PHIP: variants seen among roughly 807,000 people sequenced by gnomAD.
PHIP encodes PH-interacting protein.
A neutral mutation model predicts 236.8 loss-of-function variants in PHIP; 54 were observed. The ratio of observed to expected loss-of-function variants is 0.23; its 90% CI spans 0.18 to 0.29. PHIP has a LOEUF of 0.29. Among genes scored for constraint, PHIP ranks in the 10% least tolerant of loss-of-function variants. The pLI is 1.00. For missense variants in PHIP, 1,370 were observed against 2,190.8 expected (o/e 0.63, Z 7.48); for synonymous variants, 756 against 718.9 (o/e 1.05, Z -0.83).
At chr6:78,955,150 G>T in intron 34 of PHIP, 82 bp downstream of exon 34, 1 of 1,005,648 alleles carries the variant, frequency 9.9e-7, no homozygotes, top group Non-Finnish European at 1.5e-6. Context: ...CTTTTAAAAT[G>T]CTAAGAGTAA....
intron 7 of PHIP, among the ~76,000 whole-genome samples, chr6:79,030,966 C>T (rs1215343128): frequency 1.3e-5 from 2 of 151,750 alleles, no homozygotes; most frequent in African/African-American, 2.4e-5. Context: ...TGTTTTGAGA[C>T]GAAGTCTTCC....
At chr6:78,966,247 T>C (rs1767120263) in intron 27 of PHIP, among the ~76,000 whole-genome samples, 191 bp from the exon 28 acceptor site, 1 of 152,222 alleles carries the variant, frequency 6.6e-6, no homozygotes. Context: ...GTAAGCATAC[T>C]TGAAGTGTGA....
intron 20 of PHIP, among the ~76,000 whole-genome samples, chr6:78,990,465 T>C (rs750310442): frequency 2.6e-5 from 4 of 152,126 alleles, no homozygotes; most frequent in African/African-American, 7.2e-5. Flanking sequence ...ATATTATCTA[T>C]AGCAGCATTA....
In PHIP at chr6:78,945,508, C is replaced by A; in HGVS notation, c.4631-11G>T. 6.6e-7 allele frequency: 1 copy of A among 1,521,388 alleles called. No homozygotes were observed. Among genetic ancestry groups the A allele is most frequent in the Non-Finnish European group, 9.1e-7 (1 of 1,103,830 alleles). The allele number at this position is 1,521,388 out of a possible 1,614,324, so 94.2% of individuals were successfully genotyped here. A position where few individuals can be genotyped will look rare whatever the true frequency, so the allele number is the denominator to read the frequency against. ...CAGAATTCTCTAGTACTAAAACATA[C>A]AAACAAAATTTAAAAATTAAGAGTT... On this transcript the variant is annotated splice_polypyrimidine_tract_variant and intron_variant, in intron 38 of 39. Transcript: ENST00000275034.
intron 15 of PHIP, among the ~76,000 whole-genome samples, chr6:79,013,475 T>C (rs916566186): frequency 1.3e-5 from 2 of 151,782 alleles, no homozygotes; most frequent in African/African-American, 4.8e-5. Context: ...AACACTCTTA[T>C]TTAACAATAA....
chr6:78,971,430 C>T (rs751425703), intron 24 of PHIP, among the ~76,000 whole-genome samples: 1 of 152,172 alleles, frequency 6.6e-6, no homozygotes, highest in Admixed American at 6.5e-5. Context: ...AGTAGAAGAA[C>T]GTGTTTTAAA....
At chr6:79,044,182 ATAATTACAC>A (rs1452058301) in intron 6 of PHIP, among the ~76,000 whole-genome samples, 1 of 152,050 alleles carries the variant, frequency 6.6e-6, no homozygotes, top group African/African-American at 2.4e-5. Flanking sequence ...ATTTCAAAGA[ATAATTACAC>A]TATGCTTATA....
chr6:78,987,442 G>C (rs986897803), intron 21 of PHIP, among the ~76,000 whole-genome samples: 5 of 152,084 alleles, frequency 3.3e-5, no homozygotes, highest in Non-Finnish European at 7.4e-5. Flanking sequence ...ATTGTGGTTA[G>C]AATACTCTCA....
In PHIP at chr6:79,003,861, G is replaced by A; in HGVS notation, c.1525-3C>T. ...GCGCCATGTCCTTGGCCTTCAATCT[G>A]AAATATATTTAACCAACAGTAAGAA... On this transcript the variant is annotated splice_polypyrimidine_tract_variant and splice_region_variant and intron_variant, in intron 15 of 39. Transcript: ENST00000275034. The A allele has an allele frequency of 6.3e-7, 1 of 1,577,584 alleles. No individual in the cohort carries two copies. Among genetic ancestry groups the A allele is most frequent in the Non-Finnish European group, 8.6e-7 (1 of 1,162,764 alleles).
In PHIP at chr6:79,026,467, TA is replaced by T. The variant is rs11326550; in HGVS notation, c.601-304del. ...TGTAAAAGAAATTGAACTTCTGAAA[TA>T]AAAAAAAAAAAATCATAGCTGCAAA... On this transcript the variant is annotated intron_variant, in intron 7 of 39. Transcript: ENST00000275034. Among the ~76,000 whole-genome samples the T allele has an allele frequency of 0.92, 137,013 of 149,070 alleles. 63,043 individuals carry two copies. The highest frequency in any genetic ancestry group is 0.99 in the East Asian group (5,063 of 5,106).
Position 78,955,656 on chromosome 6 carries a change from G to A in PHIP, c.3809C>T (p.Pro1270Leu). 2 of 1,088,340 alleles carry A rather than the reference G, an allele frequency of 1.8e-6. No individual in the cohort carries two copies. The highest frequency in any genetic ancestry group is 2.8e-6 in the Non-Finnish European group (2 of 719,464). The allele number at this position is 1,088,340 out of a possible 1,614,324, so 67.4% of individuals were successfully genotyped here. A position where few individuals can be genotyped will look rare whatever the true frequency, so the allele number is the denominator to read the frequency against. Reference sequence around the variant, plus strand: ...TTTCTTCTTCATTGAATTATAAAGTGGAATTATGTTATAACAAGTCTGATC... The same window carrying A: ...TTTCTTCTTCATTGAATTATAAAGTAGAATTATGTTATAACAAGTCTGATC... Reference protein sequence around the residue: ...IKDQTCYNIIPLYNSMKKKVL... With the variant: ...IKDQTCYNIILLYNSMKKKVL... Residue 1270 changes from proline to leucine, a missense_variant, in exon 33 of 40, where the codon CCA becomes CTA. By Grantham distance (98) the Pro-to-Leu change is moderately conservative. Coordinates refer to ENST00000275034, the MANE Select transcript of PHIP (RefSeq NM_017934.7).
intron 7 of PHIP, among the ~76,000 whole-genome samples, chr6:79,028,862 CAT>C (rs1236451618): frequency 6.6e-6 from 1 of 152,164 alleles, no homozygotes; most frequent in Non-Finnish European, 1.5e-5. Context: ...AGATGCTTCA[CAT>C]ATTTTTCATG....
At chr6:79,009,816 G>A (rs1224809731) in intron 15 of PHIP, among the ~76,000 whole-genome samples, 1 of 151,972 alleles carries the variant, frequency 6.6e-6, no homozygotes, top group Non-Finnish European at 1.5e-5. Flanking sequence ...AAGCTGGAGA[G>A]ACAAACTCAC....
At chr6:78,968,669 T>A (rs1301474853) in intron 27 of PHIP, among the ~76,000 whole-genome samples, 1 of 152,242 alleles carries the variant, frequency 6.6e-6, no homozygotes, top group Non-Finnish European at 1.5e-5. Flanking sequence ...ACTGTGTAAA[T>A]ACTGCTTGCT....
intron 15 of PHIP, among the ~76,000 whole-genome samples, chr6:79,006,078 T>C (rs1770276752): frequency 6.6e-6 from 1 of 152,012 alleles, no homozygotes; most frequent in Non-Finnish European, 1.5e-5. Context: ...GACTTTTATA[T>C]GGAGAAAATG....
At chr6:79,049,351 C>T (rs931932625) in intron 6 of PHIP, among the ~76,000 whole-genome samples, 7 of 152,116 alleles carry the variant, frequency 4.6e-5, no homozygotes, top group Non-Finnish European at 8.8e-5. Flanking sequence ...CGTGAGCCAC[C>T]ATGGCTGGTC....
intron 24 of PHIP, 99 bp from the exon 25 acceptor site, chr6:78,970,987 T>C: frequency 1.4e-6 from 1 of 733,618 alleles, no homozygotes; most frequent in East Asian, 2.9e-5. Flanking sequence ...CTAATGCCTT[T>C]TCAGCTAATA....
Position 79,050,415 on chromosome 6 carries a change from T to C in PHIP, c.440-7412A>G, listed in dbSNP as rs182270909. On this transcript the variant is annotated intron_variant, in intron 6 of 39. Transcript: ENST00000275034. Reference sequence around the variant, plus strand: ...GGAAACCAAAGGATAAAATGTAATTTACTAGAGGTGAAGCCCAGGTTTAAA... The same window carrying C: ...GGAAACCAAAGGATAAAATGTAATTCACTAGAGGTGAAGCCCAGGTTTAAA... Among the ~76,000 whole-genome samples the C allele has an allele frequency of 1.1e-3, 175 of 152,294 alleles. 1 individual carries two copies. Among genetic ancestry groups the C allele is most frequent in the Non-Finnish European group, 1.4e-3 (93 of 67,992 alleles).
At chr6:79,044,306 A>G (rs1248380577) in intron 6 of PHIP, among the ~76,000 whole-genome samples, 2 of 152,150 alleles carry the variant, frequency 1.3e-5, no homozygotes. Flanking sequence ...GGGAATTTCT[A>G]AAACAAGGTT....
Sources: gnomAD v4.1 joint callset for allele counts (sites outside exome capture counted in the v4.1 genomes callset) on GRCh38, gnomAD v4.1.1 for gene constraint, MANE v1.5 for transcripts, NCBI Gene and HGNC (gene_info 2026-07-23, HGNC 2026-07-21) for gene names.